Variants in MEIG1 observed in about 807,000 individuals in gnomAD.
MEIG1 encodes meiosis/spermiogenesis associated 1.
A neutral mutation model predicts 11.3 loss-of-function variants in MEIG1; 12 were observed. The ratio of observed to expected loss-of-function variants is 1.07; its 90% confidence interval spans 0.68 to 1.73. MEIG1 has a LOEUF of 1.73. MEIG1 is among the 40% of genes most tolerant of loss of function. MEIG1 has a pLI of 0.00. For missense variants in MEIG1, 119 were observed against 104.9 expected (o/e 1.13, Z -0.59); for synonymous variants, 41 against 33.2 (o/e 1.24, Z -0.81).
downstream of MEIG1, among the ~76,000 whole-genome samples, chr10:14,973,291 A>G (rs12259856): frequency 0.66 from 100,589 of 151,460 alleles, 33,575 homozygotes; most frequent in Admixed American, 0.69. Flanking sequence ...ACCTATACCC[A>G]TTCCTGGCAT....
upstream of MEIG1, among the ~76,000 whole-genome samples, chr10:14,955,639 A>C (rs983196022): frequency 6.6e-6 from 1 of 152,198 alleles, no homozygotes; most frequent in Non-Finnish European, 1.5e-5. Flanking sequence ...CGGAGGTTGC[A>C]GTGAGCCTAG....
chr10:14,976,462 G>A (rs989071611), downstream of MEIG1, among the ~76,000 whole-genome samples: 20 of 150,944 alleles, frequency 1.3e-4, no homozygotes, highest in African/African-American at 4.6e-4. Flanking sequence ...GGCTATGTTC[G>A]CTTTGATATT....
At chr10:14,977,228 T>C (rs1589213978), downstream of MEIG1, among the ~76,000 whole-genome samples, 1 of 152,016 alleles carries the variant, frequency 6.6e-6, no homozygotes, top group African/African-American at 2.4e-5. Context: ...ACACTATTCG[T>C]AATATTCTAG....
upstream of MEIG1, among the ~76,000 whole-genome samples, chr10:14,955,960 A>T (rs1351500342): frequency 6.6e-6 from 1 of 152,214 alleles, no homozygotes; most frequent in Non-Finnish European, 1.5e-5. Flanking sequence ...CCTAACAACA[A>T]ATTCTGCTGT....
At chr10:14,964,863 C>G (rs1843061682) in intron 1 of MEIG1, among the ~76,000 whole-genome samples, 1 of 151,508 alleles carries the variant, frequency 6.6e-6, no homozygotes, top group African/African-American at 2.4e-5. Flanking sequence ...TCTCAGCTCA[C>G]TGCAACCTCC....
chr10:14,957,927 T>A (rs911641934), upstream of MEIG1, among the ~76,000 whole-genome samples: 1 of 152,214 alleles, frequency 6.6e-6, no homozygotes, highest in Non-Finnish European at 1.5e-5. Flanking sequence ...ATTACAGGTG[T>A]GAGCCACCGC....
intron 1 of MEIG1, among the ~76,000 whole-genome samples, chr10:14,985,536 G>T (rs12269695): frequency 0.18 from 26,563 of 151,678 alleles, 2,443 homozygotes; most frequent in East Asian, 0.27. Context: ...TTCAATGCTT[G>T]TGATACTATT....
At chr10:14,981,546 T>C (rs1343214600) in intron 1 of MEIG1, among the ~76,000 whole-genome samples, 3 of 152,098 alleles carry the variant, frequency 2.0e-5, no homozygotes, top group Non-Finnish European at 4.4e-5. Flanking sequence ...CCGGGGCGGT[T>C]ACTAGCGAAT....
intron 1 of MEIG1, among the ~76,000 whole-genome samples, chr10:14,981,933 G>C (rs1341771968): frequency 5.3e-5 from 8 of 152,118 alleles, no homozygotes; most frequent in Admixed American, 4.6e-4. Flanking sequence ...TTCTCTTTGC[G>C]CTTTTCCTCG....
Position 14,966,570 on chromosome 10 carries a change from T to C in MEIG1, c.102T>C (p.Asp34=). 6.2e-7 allele frequency: 1 copy of C among 1,612,192 alleles called. No individual in the cohort carries two copies. The highest frequency in any genetic ancestry group is 8.5e-7 in the Non-Finnish European group (1 of 1,179,418). Residue 34 remains aspartate, a synonymous_variant, in exon 2 of 3, where the codon GAT becomes GAC. Transcript: ENST00000407572. ...LYRFQQAGYR[D]ETEYRQVKQV... ...GATTTCAACAAGCAGGATATCGGGA[T>C]GAAACCGAATATAGACAAGTGAAAC...
intron 1 of MEIG1, among the ~76,000 whole-genome samples, chr10:14,960,391 G>A (rs1842998507): frequency 6.6e-6 from 1 of 152,048 alleles, no homozygotes; most frequent in Admixed American, 6.6e-5. Context: ...AGATTGTCAG[G>A]GAGTTGAGAT....
chr10:14,969,617 C>T (rs1201769310), intron 2 of MEIG1, among the ~76,000 whole-genome samples: 1 of 152,108 alleles, frequency 6.6e-6, no homozygotes, highest in African/African-American at 2.4e-5. Flanking sequence ...GGCCGTTCAC[C>T]TGCAGTCAGG....
intron 2 of MEIG1, among the ~76,000 whole-genome samples, chr10:14,972,016 CTTT>C (rs752832334): frequency 7.0e-6 from 1 of 143,132 alleles, no homozygotes; most frequent in Non-Finnish European, 1.5e-5. Context: ...AATTAGTTGT[CTTT>C]TTTTTTTTTT....
At chr10:14,987,467 G>C (rs1189808942) in intron 2 of MEIG1, 4 of 715,408 alleles carry the variant, frequency 5.6e-6, no homozygotes, top group South Asian at 4.5e-5. Flanking sequence ...CCTTGAGAAG[G>C]AAAGAGGATT....
At chr10:14,982,340 T>C (rs1171773067) in intron 1 of MEIG1, among the ~76,000 whole-genome samples, 2 of 152,146 alleles carry the variant, frequency 1.3e-5, no homozygotes, top group Non-Finnish European at 2.9e-5. Flanking sequence ...GGTCCTTCCA[T>C]ACTCTTGGGG....
intron 1 of MEIG1, among the ~76,000 whole-genome samples, chr10:14,964,602 TATATATAC>T (rs1462036587): frequency 0.011 from 1,155 of 105,560 alleles, 8 homozygotes; most frequent in African/African-American, 0.024. Flanking sequence ...TATATATATA[TATATATAC>T]ACACACACAC....
chr10:14,962,995 C>T (rs374853488), intron 1 of MEIG1, among the ~76,000 whole-genome samples: 1 of 151,990 alleles, frequency 6.6e-6, no homozygotes, highest in African/African-American at 2.4e-5. Context: ...AACTCCTGAC[C>T]TCGTGATCCA....
chr10:14,979,030 T>C (rs991409840), intron 1 of MEIG1, among the ~76,000 whole-genome samples: 1 of 152,062 alleles, frequency 6.6e-6, no homozygotes, highest in Non-Finnish European at 1.5e-5. Flanking sequence ...ATTCGTAATA[T>C]CCTGGTGGGA....
At chr10:14,984,998 A>G (rs2131285944) in intron 1 of MEIG1, among the ~76,000 whole-genome samples, 1 of 152,238 alleles carries the variant, frequency 6.6e-6, no homozygotes, top group East Asian at 1.9e-4. Flanking sequence ...CTCATTTCAC[A>G]ATGCGTGTAC....
Sources: allele counts gnomAD v4.1 joint callset (sites outside exome capture counted in the v4.1 genomes callset), GRCh38; gene constraint gnomAD v4.1.1; transcripts MANE v1.5; gene names NCBI Gene and HGNC (gene_info 2026-07-23, HGNC 2026-07-21).